QTMAN: variants seen among roughly 807,000 people sequenced by gnomAD.
QTMAN encodes the protein tRNA-queuosine alpha-mannosyltransferase.
the QTMAN span, among the ~76,000 whole-genome samples, chr2:144,036,495 T>C: frequency 5.9e-5 from 9 of 152,204 alleles, no homozygotes; most frequent in African/African-American, 2.2e-4. Flanking sequence ...AATTTAATAC[T>C]GAACACAAAC....
At chr2:144,155,338 T>C in the QTMAN span, among the ~76,000 whole-genome samples, 2 of 152,184 alleles carry the variant, frequency 1.3e-5, no homozygotes, top group African/African-American at 4.8e-5. Context: ...ATCATTAGCC[T>C]TGAAGAAGTA....
the QTMAN span, among the ~76,000 whole-genome samples, chr2:144,182,828 A>ATTTT: frequency 1.1e-3 from 72 of 67,202 alleles, 1 homozygote; most frequent in African/African-American, 4.1e-3. Context: ...TTATATATAT[A>ATTTT]ATATATATAT....
At chr2:143,961,529 T>C in the QTMAN span, among the ~76,000 whole-genome samples, 5 of 152,170 alleles carry the variant, frequency 3.3e-5, no homozygotes, top group African/African-American at 1.2e-4. Flanking sequence ...TTCCTGTGTC[T>C]TTCCCAAGTA....
chr2:144,014,138 G>A, the QTMAN span, among the ~76,000 whole-genome samples: 1 of 152,176 alleles, frequency 6.6e-6, no homozygotes, highest in African/African-American at 2.4e-5. Flanking sequence ...GTCGGCTGCA[G>A]TATGGCTGCA....
the QTMAN span, among the ~76,000 whole-genome samples, chr2:144,194,436 T>C: frequency 7.2e-5 from 11 of 152,114 alleles, no homozygotes; most frequent in South Asian, 2.1e-4. Context: ...AAATGCCTAA[T>C]AGGTACAAGA....
the QTMAN span, among the ~76,000 whole-genome samples, chr2:144,144,346 A>G: frequency 6.6e-6 from 1 of 151,882 alleles, no homozygotes; most frequent in Non-Finnish European, 1.5e-5. Flanking sequence ...TGTAACTTCC[A>G]TTAACTTTAA....
chr2:144,239,833 C>T, the QTMAN span, among the ~76,000 whole-genome samples: 1 of 152,172 alleles, frequency 6.6e-6, no homozygotes, highest in Non-Finnish European at 1.5e-5. Flanking sequence ...CCTTTAACAA[C>T]TATTTATTTC....
chr2:144,084,834 T>G, the QTMAN span, among the ~76,000 whole-genome samples: 1 of 152,232 alleles, frequency 6.6e-6, no homozygotes, highest in African/African-American at 2.4e-5. Flanking sequence ...TAGTATTGCT[T>G]TCAGGTCAAT....
At chr2:144,026,781 C>T in the QTMAN span, among the ~76,000 whole-genome samples, 4 of 152,160 alleles carry the variant, frequency 2.6e-5, no homozygotes, top group South Asian at 2.1e-4. Flanking sequence ...CTTAGCACAG[C>T]ATCCAGGCAA....
At chr2:144,331,349 T>A in the QTMAN span, among the ~76,000 whole-genome samples, 1 of 152,142 alleles carries the variant, frequency 6.6e-6, no homozygotes, top group Non-Finnish European at 1.5e-5. Context: ...TGTACTGAAC[T>A]TCTTTTTCAG....
At chr2:144,230,214 G>A in the QTMAN span, 7 of 152,200 alleles carry the variant, frequency 4.6e-5, no homozygotes, top group African/African-American at 1.4e-4. Context: ...TGAACAGACA[G>A]CGTACAAAAG....
At chr2:143,990,546 A>G in the QTMAN span, among the ~76,000 whole-genome samples, 1,570 of 152,300 alleles carry the variant, frequency 0.01, 32 homozygotes, top group African/African-American at 0.036. Context: ...TGCATGGGAG[A>G]GATGTGAGGA....
the QTMAN span, among the ~76,000 whole-genome samples, chr2:144,067,644 T>C: frequency 6.6e-6 from 1 of 152,108 alleles, no homozygotes; most frequent in Admixed American, 6.5e-5. Flanking sequence ...TAGGGAGCTG[T>C]GTCTAGGGTA....
At chr2:144,177,741 T>C in the QTMAN span, among the ~76,000 whole-genome samples, 1 of 152,148 alleles carries the variant, frequency 6.6e-6, no homozygotes, top group African/African-American at 2.4e-5. Flanking sequence ...TAGCTTGCTA[T>C]CCAATGCAAA....
At chr2:144,032,609 G>A in the QTMAN span, among the ~76,000 whole-genome samples, 38 of 152,332 alleles carry the variant, frequency 2.5e-4, no homozygotes, top group African/African-American at 9.1e-4. Context: ...TGGACTACCA[G>A]ACCAGGTAGA....
At chr2:144,153,285 C>T in the QTMAN span, among the ~76,000 whole-genome samples, 62 of 152,030 alleles carry the variant, frequency 4.1e-4, no homozygotes, top group African/African-American at 1.4e-3. Context: ...GTTTTTAATG[C>T]TTATTGGCCA....
chr2:144,066,135 C>A, the QTMAN span, among the ~76,000 whole-genome samples: 4 of 151,548 alleles, frequency 2.6e-5, no homozygotes, highest in Non-Finnish European at 5.9e-5. Flanking sequence ...CTTTTTCTTT[C>A]CTCTCATTCT....
At chr2:144,089,028 C>T in the QTMAN span, among the ~76,000 whole-genome samples, 1 of 152,022 alleles carries the variant, frequency 6.6e-6, no homozygotes, top group Non-Finnish European at 1.5e-5. Context: ...AAGAGACAAC[C>T]TGTTGAATGA....
At chr2:144,255,367 G>C in the QTMAN span, among the ~76,000 whole-genome samples, 12 of 152,086 alleles carry the variant, frequency 7.9e-5, no homozygotes, top group Admixed American at 7.9e-4. Context: ...TTTATAAGGA[G>C]CTTTTCCCCC....
Sources: allele counts gnomAD v4.1 joint callset (sites outside exome capture counted in the v4.1 genomes callset), GRCh38; gene constraint gnomAD v4.1.1; transcripts MANE v1.5; gene names NCBI Gene and HGNC (gene_info 2026-07-23, HGNC 2026-07-21).